MMP16: variants seen among roughly 807,000 people sequenced by gnomAD.
The protein encoded by MMP16 is matrix metalloproteinase-16.
In MMP16, 12 loss-of-function variants were observed where a neutral mutation model predicts 67.8. That is an observed-to-expected ratio of 0.18 (90% CI 0.11 to 0.29). The LOEUF (loss-of-function observed/expected upper bound fraction) is 0.29, where lower values mean the gene tolerates loss of function less well. Among genes scored for constraint, MMP16 ranks in the 10% least tolerant of loss-of-function variants. The pLI is 1.00. For missense variants in MMP16, 475 were observed against 765.7 expected (o/e 0.62, Z 4.48); for synonymous variants, 249 against 255.9 (o/e 0.97, Z 0.26).
chr8:88,261,283 A>G (rs946201875), intron 1 of MMP16, among the ~76,000 whole-genome samples: 7 of 152,114 alleles, frequency 4.6e-5, no homozygotes, highest in Non-Finnish European at 1.0e-4. Context: ...ATTTATTGAG[A>G]TTATAAAACA....
At chr8:88,127,064 G>C (rs1357037840) in intron 4 of MMP16, among the ~76,000 whole-genome samples, 5 of 151,828 alleles carry the variant, frequency 3.3e-5, no homozygotes, top group African/African-American at 1.2e-4. Context: ...TAAAAAGGCT[G>C]TTATGTGCCA....
intron 3 of MMP16, among the ~76,000 whole-genome samples, chr8:88,168,882 T>C (rs1382145353): frequency 7.9e-5 from 12 of 152,166 alleles, no homozygotes; most frequent in Admixed American, 7.9e-4. Context: ...TGATTTTTTT[T>C]TTCTTTTTTA....
chr8:88,131,443 A>G (rs540341060), intron 4 of MMP16, among the ~76,000 whole-genome samples: 1 of 151,882 alleles, frequency 6.6e-6, no homozygotes, highest in South Asian at 2.1e-4. Context: ...GATTCCATGA[A>G]TTTTAATAAC....
intron 1 of MMP16, among the ~76,000 whole-genome samples, chr8:88,209,785 G>A (rs1022523813): frequency 6.6e-6 from 1 of 152,170 alleles, no homozygotes; most frequent in African/African-American, 2.4e-5. Context: ...GTTGCAGTGT[G>A]TAGAATGTAG....
intron 1 of MMP16, among the ~76,000 whole-genome samples, chr8:88,289,207 A>T (rs1810882298): frequency 6.6e-6 from 1 of 152,180 alleles, no homozygotes; most frequent in African/African-American, 2.4e-5. Context: ...CACTGGAGGG[A>T]TGAATCAGAG....
intron 1 of MMP16, among the ~76,000 whole-genome samples, chr8:88,276,172 A>G (rs985206106): frequency 6.6e-6 from 1 of 152,120 alleles, no homozygotes; most frequent in Non-Finnish European, 1.5e-5. Flanking sequence ...AAATGAAGCC[A>G]TGATGAGTTT....
At chr8:88,217,806 T>C (rs11777424) in intron 1 of MMP16, among the ~76,000 whole-genome samples, 64,376 of 151,962 alleles carry the variant, frequency 0.42, 15,454 homozygotes, top group Non-Finnish European at 0.55. Context: ...TATTTGAACA[T>C]TACATAATTT....
At chr8:88,129,812 T>G (rs963650020) in intron 4 of MMP16, among the ~76,000 whole-genome samples, 4 of 151,570 alleles carry the variant, frequency 2.6e-5, no homozygotes, top group African/African-American at 9.7e-5. Flanking sequence ...CATATATGTA[T>G]AAAAATTCAT....
At chr8:88,118,312 T>A (rs533299098) in intron 5 of MMP16, among the ~76,000 whole-genome samples, 3 of 152,192 alleles carry the variant, frequency 2.0e-5, no homozygotes, top group Non-Finnish European at 4.4e-5. Flanking sequence ...ATCTGTCAGT[T>A]TGTAGAAAAG....
At chr8:88,075,526 C>A (rs1808632599) in intron 6 of MMP16, among the ~76,000 whole-genome samples, 1 of 151,470 alleles carries the variant, frequency 6.6e-6, no homozygotes, top group Non-Finnish European at 1.5e-5. Context: ...TTACTAAGGG[C>A]AAAAAAACCC....
rs369375501 is a variant in MMP16, at chr8:88,258,322, T to C, written c.133-61016A>G. 1.8e-4 allele frequency among the ~76,000 whole-genome samples: 28 copies of C among 152,326 alleles called. No individual in the cohort carries two copies. In the South Asian group the frequency reaches 3.5e-3, roughly 19 times the overall value. On this transcript the variant is annotated intron_variant, in intron 1 of 9. Transcript: ENST00000286614. ...ACCTAGTTCTGCACTCAGGAGCCTA[T>C]ACTTAAGATCAGTGGCTAAAATAGG... is the stretch of plus-strand genomic sequence containing the variant.
intron 6 of MMP16, among the ~76,000 whole-genome samples, chr8:88,106,042 A>C (rs1270405195): frequency 9.1e-6 from 1 of 110,110 alleles, no homozygotes; most frequent in Non-Finnish European, 1.8e-5. Context: ...ATATATATTT[A>C]CACGTTATGT....
rs891457090 is a variant in MMP16, at chr8:88,302,623, T to C, written c.132+24452A>G. ...GGATGAAAAAAAGTAGGAAAATAGG[T>C]ATGCATATGTGTGTAGGGGAAAATT... On this transcript the variant is annotated intron_variant, in intron 1 of 9. Transcript: ENST00000286614. 1.2e-4 allele frequency among the ~76,000 whole-genome samples: 18 copies of C among 151,988 alleles called. 1 individual carries two copies. In the South Asian group the frequency reaches 2.9e-3, roughly 25 times the overall value.
At chr8:88,046,175 TACC>T in intron 9 of MMP16, among the ~76,000 whole-genome samples, 2 of 152,252 alleles carry the variant, frequency 1.3e-5, no homozygotes, top group Middle Eastern at 6.8e-3. Context: ...CCTGTTATTA[TACC>T]ATCATACATC....
intron 6 of MMP16, among the ~76,000 whole-genome samples, chr8:88,101,100 G>T (rs1224624960): frequency 6.6e-6 from 1 of 151,840 alleles, no homozygotes; most frequent in East Asian, 2.0e-4. Context: ...TTGTGCACAT[G>T]TACCCTAGAA....
At chr8:88,098,264 G>C (rs1197742166) in intron 6 of MMP16, among the ~76,000 whole-genome samples, 3 of 151,974 alleles carry the variant, frequency 2.0e-5, no homozygotes, top group Non-Finnish European at 4.4e-5. Context: ...GACATCCATG[G>C]GCTACTGCCA....
chr8:88,250,323 T>C (rs1197583957), intron 1 of MMP16, among the ~76,000 whole-genome samples: 2 of 152,080 alleles, frequency 1.3e-5, no homozygotes, highest in East Asian at 3.9e-4. Flanking sequence ...ATCATGTCTT[T>C]CTTAGTTTTC....
At chr8:88,231,866 A>G (rs1809864473) in intron 1 of MMP16, among the ~76,000 whole-genome samples, 2 of 152,222 alleles carry the variant, frequency 1.3e-5, no homozygotes, top group Non-Finnish European at 2.9e-5. Flanking sequence ...TGATAAACAA[A>G]TATATGTATT....
chr8:88,158,632 G>C (rs997971953), intron 4 of MMP16, among the ~76,000 whole-genome samples: 1 of 152,132 alleles, frequency 6.6e-6, no homozygotes, highest in African/African-American at 2.4e-5. Flanking sequence ...TCACTCTGAT[G>C]GTAGTTTCTT....
Sources: allele counts gnomAD v4.1 joint callset (sites outside exome capture counted in the v4.1 genomes callset), GRCh38; gene constraint gnomAD v4.1.1; transcripts MANE v1.5; gene names NCBI Gene and HGNC (gene_info 2026-07-23, HGNC 2026-07-21).